The following PLCZ1 variants were observed in gnomAD, a reference collection of about 807,000 sequenced individuals.
PLCZ1 encodes 1-phosphatidylinositol 4,5-bisphosphate phosphodiesterase zeta-1.
PLCZ1 carries 64 observed loss-of-function variants against 76.8 expected under a neutral mutation model. The observed-to-expected ratio is 0.83, with a 90% CI of 0.68 to 1.03. PLCZ1 has a LOEUF of 1.03. PLCZ1 is among the 50% of genes least tolerant of loss of function. PLCZ1 has a pLI of 0.00. For missense variants in PLCZ1, 751 were observed against 713.7 expected, an observed-to-expected ratio of 1.05 and a Z score of -0.60; for synonymous variants, 248 against 230.8, an observed-to-expected ratio of 1.07 and a Z score of -0.68.
rs757137111 is a variant in PLCZ1, at chr12:18,701,619, T to A, written c.950-51A>T. 7.9e-6 allele frequency: 8 copies of A among 1,007,474 alleles called. No homozygotes were observed. The Admixed American group carries it at 2.8e-4, about 35-fold the overall frequency. The allele number at this position is 1,007,474 out of a possible 1,614,324, so 62.4% of individuals were successfully genotyped here. ...TTCTTTGAATTTATCCTCCTCCTCC[T>A]CCTCCTCCTCCTCCTCCTCCTCCTC... On this transcript the variant is annotated intron_variant, in intron 8 of 14. Transcript: ENST00000266505.
chr12:18,653,705 C>T, the PLCZ1 span, among the ~76,000 whole-genome samples: 2 of 152,096 alleles, frequency 1.3e-5, no homozygotes, highest in African/African-American at 4.8e-5. Context: ...GTTAAGTAGA[C>T]TCTGAGTTTA....
At chr12:18,664,156 G>A in the PLCZ1 span, among the ~76,000 whole-genome samples, 2 of 152,286 alleles carry the variant, frequency 1.3e-5, no homozygotes, top group East Asian at 3.9e-4. Context: ...GAATTGGAAC[G>A]CTTATGTACT....
At chr12:18,655,442 T>A in the PLCZ1 span, among the ~76,000 whole-genome samples, 2 of 152,046 alleles carry the variant, frequency 1.3e-5, no homozygotes, top group Admixed American at 6.6e-5. Flanking sequence ...AGAAACAAAA[T>A]CCACGCAGAA....
intron 3 of PLCZ1, among the ~76,000 whole-genome samples, 163 bp from the exon 4 acceptor site, chr12:18,723,705 G>A (rs572433218): frequency 3.3e-5 from 5 of 152,194 alleles, no homozygotes; most frequent in East Asian, 3.9e-4. Context: ...ATGGAGTGAC[G>A]TCAAAATTGG....
chr12:18,729,074 T>C (rs142663807), intron 3 of PLCZ1, among the ~76,000 whole-genome samples: 101 of 152,204 alleles, frequency 6.6e-4, no homozygotes, highest in African/African-American at 2.3e-3. Flanking sequence ...AAATATGTAA[T>C]ATTTCTTTAC....
chr12:18,720,549 C>G (rs1196930238), intron 4 of PLCZ1, among the ~76,000 whole-genome samples: 1 of 151,652 alleles, frequency 6.6e-6, no homozygotes, highest in Non-Finnish European at 1.5e-5. Flanking sequence ...AGCATATTAG[C>G]TAACCTCTCC....
chr12:18,736,119 A>T, intron 3 of PLCZ1, 102 bp downstream of exon 3: 1 of 1,326,470 alleles, frequency 7.5e-7, no homozygotes, highest in Non-Finnish European at 1.0e-6. Flanking sequence ...TAGTATAATT[A>T]ATTGCTTTTC....
At chr12:18,693,297 AT>A in intron 12 of PLCZ1, 1 of 1,527,702 alleles carries the variant, frequency 6.5e-7, no homozygotes. Flanking sequence ...GGTCACAGTG[AT>A]GAAGGTGGAA....
At chr12:18,658,111 C>T in the PLCZ1 span, among the ~76,000 whole-genome samples, 9 of 152,144 alleles carry the variant, frequency 5.9e-5, no homozygotes, top group Non-Finnish European at 8.8e-5. Flanking sequence ...GAAGAATTAG[C>T]AAACTTGAAA....
At position 18,701,492 on chromosome 12, in the gene PLCZ1, C is replaced by T. The variant is rs763209995; in HGVS notation, c.1017+9G>A. The T allele has an allele frequency of 2.9e-5, 47 of 1,613,812 alleles. No homozygotes were observed. The South Asian group carries it at 4.9e-4, about 17-fold the overall frequency. The stretch of plus-strand genomic sequence containing the variant: ...TCACTTGTAAGATTTTCACAAAACA[C>T]CACCTCACCTTCTTTTTCTTGAAAA... On this transcript the variant is annotated intron_variant, in intron 9 of 14. Coordinates refer to ENST00000266505, the MANE Select transcript of PLCZ1 (RefSeq NM_033123.4).
chr12:18,723,472 T>A lies in PLCZ1; in HGVS notation c.206A>T (p.His69Leu). 1 of 1,613,094 alleles carries A rather than the reference T, an allele frequency of 6.2e-7. No homozygotes were observed. The highest frequency in any genetic ancestry group is 8.5e-7 in the Non-Finnish European group (1 of 1,179,464). The change falls in exon 4 of 15, where the codon CAC becomes CTC. Residue 69 changes from histidine (H) to leucine (L), a missense_variant. Transcript: ENST00000266505. ...GAAAATCTCAATAATTTCTTCTCTG[T>A]GCGTGATAATTCGATAAATTGCTCT... ...EFRAIYRIITHREEIIEIFNT... is the reference protein window; with the variant it reads ...EFRAIYRIITLREEIIEIFNT...
downstream of PLCZ1, among the ~76,000 whole-genome samples, chr12:18,679,289 T>C (rs1335541540): frequency 6.6e-6 from 1 of 152,016 alleles, no homozygotes; most frequent in Non-Finnish European, 1.5e-5. Flanking sequence ...GAAGTTCTTT[T>C]TAAAAAAATT....
At chr12:18,688,739 A>G (rs1592002637) in intron 12 of PLCZ1, among the ~76,000 whole-genome samples, 1 of 152,038 alleles carries the variant, frequency 6.6e-6, no homozygotes, top group Non-Finnish European at 1.5e-5. Context: ...TTGTATTTAA[A>G]CTTGTATTTG....
intron 2 of PLCZ1, among the ~76,000 whole-genome samples, chr12:18,737,069 G>T (rs371559175): frequency 1.3e-5 from 2 of 152,084 alleles, no homozygotes; most frequent in Non-Finnish European, 1.5e-5. Flanking sequence ...ATTATAAAAG[G>T]TATAGGTAAA....
At chr12:18,727,218 C>T (rs918957510) in intron 3 of PLCZ1, among the ~76,000 whole-genome samples, 2 of 151,908 alleles carry the variant, frequency 1.3e-5, no homozygotes, top group African/African-American at 2.4e-5. Context: ...TGCATTGGTG[C>T]CTGCCTGTAG....
chr12:18,727,681 C>T (rs1003456512), intron 3 of PLCZ1, among the ~76,000 whole-genome samples: 1 of 152,114 alleles, frequency 6.6e-6, no homozygotes, highest in Non-Finnish European at 1.5e-5. Flanking sequence ...GAAATTTAGA[C>T]TTCTTTGGAA....
rs547816962 is a variant in PLCZ1 at position 18,711,148 on chromosome 12, C to T, written c.714+1694G>A. Reference sequence around the variant, plus strand: ...TGGAACCAACCTAAATATCCAACAACGATAGACTGGATTAAGAAAATGGGG... The same window carrying T: ...TGGAACCAACCTAAATATCCAACAATGATAGACTGGATTAAGAAAATGGGG... On this transcript the variant is annotated intron_variant, in intron 6 of 14. Coordinates refer to ENST00000266505, the MANE Select transcript of PLCZ1 (RefSeq NM_033123.4). Among the ~76,000 whole-genome samples the T allele has an allele frequency of 7.9e-5, 12 of 151,694 alleles. No homozygotes were observed. The South Asian group carries it at 1.0e-3, about 13-fold the overall frequency.
At chr12:18,664,417 C>T in the PLCZ1 span, among the ~76,000 whole-genome samples, 33 of 152,142 alleles carry the variant, frequency 2.2e-4, no homozygotes, top group Non-Finnish European at 4.3e-4. Context: ...TTTATACATA[C>T]TGTGGAATAT....
At chr12:18,726,991 C>T (rs1272922021) in intron 3 of PLCZ1, among the ~76,000 whole-genome samples, 1 of 152,128 alleles carries the variant, frequency 6.6e-6, no homozygotes, top group East Asian at 1.9e-4. Context: ...ATTGTCAGTG[C>T]CCTCTGGAAG....
Sources: gnomAD v4.1 joint callset for allele counts (sites outside exome capture counted in the v4.1 genomes callset) on GRCh38, gnomAD v4.1.1 for gene constraint, MANE v1.5 for transcripts, NCBI Gene and HGNC (gene_info 2026-07-23, HGNC 2026-07-21) for gene names.